AOPEP: variants seen among roughly 807,000 people sequenced by gnomAD.
AOPEP encodes the protein aminopeptidase O (putative).
In AOPEP, 77 loss-of-function variants were observed where a neutral mutation model predicts 98.1. The ratio of observed to expected loss-of-function variants is 0.78; its 90% CI spans 0.65 to 0.95. The LOEUF (loss-of-function observed/expected upper bound fraction) is 0.95, where lower values mean the gene tolerates loss of function less well. Among genes scored for constraint, AOPEP ranks in the 40% least tolerant of loss-of-function variants. The pLI is 0.00. For missense variants in AOPEP, 1,024 were observed against 1,024.7 expected, an observed-to-expected ratio of 1.00 and a Z score of 0.01; for synonymous variants, 346 against 365.3, an observed-to-expected ratio of 0.95 and a Z score of 0.60.
the AOPEP span, among the ~76,000 whole-genome samples, chr9:95,139,653 G>C: frequency 4.0e-5 from 6 of 151,592 alleles, no homozygotes; most frequent in Non-Finnish European, 8.8e-5. Context: ...ATGTGGCTAT[G>C]GTGTAATGCT....
chr9:94,781,275 C>T lies in AOPEP; in HGVS notation c.964+8107C>T, dbSNP rs564356406. Among the ~76,000 whole-genome samples the T allele has an allele frequency of 5.3e-5, 8 of 152,100 alleles. No homozygotes were observed. In the South Asian group the frequency reaches 1.0e-3, roughly 20 times the overall value. On this transcript the variant is annotated intron_variant, in intron 3 of 16. Coordinates refer to ENST00000375315, the MANE Select transcript of AOPEP (RefSeq NM_001193329.3). ...ACCAAAATATAGCTAAACTATTGAG[C>T]GCAGAGACCCAATGCCTAATACAGT...
At chr9:95,150,093 GAAGAAAT>G in the AOPEP span, 1 of 1,613,934 alleles carries the variant, frequency 6.2e-7, no homozygotes, top group Non-Finnish European at 8.5e-7. Context: ...CCATTCTATG[GAAGAAAT>G]AAGAAATAAT....
At chr9:94,864,643 T>C (rs1163345968) in intron 5 of AOPEP, among the ~76,000 whole-genome samples, 1 of 152,120 alleles carries the variant, frequency 6.6e-6, no homozygotes, top group Non-Finnish European at 1.5e-5. Context: ...TTAAGAAAAG[T>C]GTTGTCAGTA....
chr9:94,884,279 A>G (rs1192830331), intron 5 of AOPEP, among the ~76,000 whole-genome samples: 1 of 152,246 alleles, frequency 6.6e-6, no homozygotes, highest in Non-Finnish European at 1.5e-5. Flanking sequence ...ACAAAAAACA[A>G]TTAAGGGTGC....
chr9:95,009,718 T>G (rs4743975), intron 13 of AOPEP, among the ~76,000 whole-genome samples: 140,581 of 152,172 alleles, frequency 0.92, 65,307 homozygotes, highest in Middle Eastern at 0.98. Context: ...CGCACTTCAA[T>G]GTTACCTTCA....
chr9:94,981,638 G>C (rs546239270), intron 11 of AOPEP, among the ~76,000 whole-genome samples: 1 of 152,286 alleles, frequency 6.6e-6, no homozygotes, highest in East Asian at 1.9e-4. Flanking sequence ...TTCACTGAAA[G>C]GCTCTACAAG....
At chr9:95,077,476 G>A (rs2134172266) in intron 14 of AOPEP, among the ~76,000 whole-genome samples, 1 of 152,330 alleles carries the variant, frequency 6.6e-6, no homozygotes, top group Middle Eastern at 3.4e-3. Context: ...ACCGTCCTGG[G>A]AGCATGCGCT....
intron 5 of AOPEP, among the ~76,000 whole-genome samples, chr9:94,810,456 A>G (rs1178248533): frequency 6.6e-6 from 1 of 151,770 alleles, no homozygotes; most frequent in African/African-American, 2.4e-5. Context: ...ATGAGATTAC[A>G]GGTGCGCGCC....
chr9:95,004,847 C>T (rs1339324905), intron 11 of AOPEP: 1 of 147,956 alleles, frequency 6.8e-6, no homozygotes, highest in Non-Finnish European at 1.5e-5. Flanking sequence ...GAGAACAATA[C>T]AATGCCGGCG....
At chr9:94,773,502 T>G (rs528860856) in intron 3 of AOPEP, among the ~76,000 whole-genome samples, 1 of 151,812 alleles carries the variant, frequency 6.6e-6, no homozygotes, top group South Asian at 2.1e-4. Flanking sequence ...ACCATTAGAG[T>G]TGAGTTGTCT....
intron 2 of AOPEP, among the ~76,000 whole-genome samples, chr9:94,763,966 A>G (rs10739982): frequency 0.42 from 63,138 of 152,060 alleles, 13,460 homozygotes; most frequent in East Asian, 0.51. Context: ...GAGGTGGGGC[A>G]TAACTCCTCA....
intron 3 of AOPEP, among the ~76,000 whole-genome samples, chr9:94,786,845 C>A (rs567528839): frequency 4.6e-5 from 7 of 152,302 alleles, no homozygotes; most frequent in African/African-American, 7.2e-5. Context: ...GGGTTTCTGG[C>A]TGGTTCTTAT....
At chr9:94,855,431 G>A (rs1292086490) in intron 5 of AOPEP, among the ~76,000 whole-genome samples, 3 of 152,002 alleles carry the variant, frequency 2.0e-5, no homozygotes, top group Non-Finnish European at 1.5e-5. Flanking sequence ...GCTCACGCCT[G>A]TAATCCCAGC....
chr9:94,918,895 A>ATT lies in AOPEP; in HGVS notation c.1365-5078_1365-5077dup, dbSNP rs113503897. 6.0e-3 allele frequency among the ~76,000 whole-genome samples: 855 copies of ATT among 143,284 alleles called. 6 individuals carry two copies. Among genetic ancestry groups the ATT allele is most frequent in the African/African-American group, 0.021 (830 of 39,084 alleles). 94.0% of individuals were successfully genotyped at this position (143,284 alleles called of 152,430 possible). On this transcript the variant is annotated intron_variant, in intron 5 of 16. Transcript: ENST00000375315. Reference sequence around the variant, plus strand: ...TAGGCAAATGAGTGGATGTTTTACTATTTTTTTTTTTTTTAATTTTAATTT... The same window carrying ATT: ...TAGGCAAATGAGTGGATGTTTTACTATTTTTTTTTTTTTTTTAATTTTAATTT...
chr9:94,739,209 G>A (rs1832502179), intron 1 of AOPEP, among the ~76,000 whole-genome samples: 1 of 152,154 alleles, frequency 6.6e-6, no homozygotes, highest in African/African-American at 2.4e-5. Flanking sequence ...CAGCGTGGCC[G>A]TACTTTCCTT....
At chr9:95,082,440 C>G (rs530645486) in intron 15 of AOPEP, 135 bp from the exon 16 acceptor site, 1 of 939,810 alleles carries the variant, frequency 1.1e-6, no homozygotes, top group South Asian at 1.8e-5. Context: ...AGCCCACGGC[C>G]TCTGTCTTCT....
rs557842933 is a variant in AOPEP at position 94,810,573 on chromosome 9, C to A, written c.1364+9571C>A. On this transcript the variant is annotated intron_variant, in intron 5 of 16. Coordinates refer to ENST00000375315, the MANE Select transcript of AOPEP (RefSeq NM_001193329.3). ...CAAATGATCCACCCACCTCAGCCCC[C>A]CAAAGTGCTGGGATTACAGGCGTCA... Among the ~76,000 whole-genome samples, 20 of 152,284 alleles carry A rather than the reference C, an allele frequency of 1.3e-4. No homozygotes were observed. The South Asian group carries it at 3.3e-3, about 25-fold the overall frequency.
the AOPEP span, among the ~76,000 whole-genome samples, chr9:95,136,992 G>A: frequency 6.6e-6 from 1 of 152,040 alleles, no homozygotes; most frequent in Non-Finnish European, 1.5e-5. Context: ...CAGACAGTGG[G>A]TGCTTCCCAG....
At chr9:95,044,396 A>AC (rs2065643973) in intron 13 of AOPEP, among the ~76,000 whole-genome samples, 1 of 151,918 alleles carries the variant, frequency 6.6e-6, no homozygotes, top group South Asian at 2.1e-4. Flanking sequence ...GGTGGGAGTG[A>AC]GGGGGGATTA....
Sources: allele counts gnomAD v4.1 joint callset (sites outside exome capture counted in the v4.1 genomes callset), GRCh38; gene constraint gnomAD v4.1.1; transcripts MANE v1.5; gene names NCBI Gene and HGNC (gene_info 2026-07-23, HGNC 2026-07-21).